The following IQCK variants were observed in gnomAD, a reference collection of about 807,000 sequenced individuals.
IQCK encodes IQ motif containing K, also known as IQ domain-containing protein K.
A neutral mutation model predicts 28.1 loss-of-function variants in IQCK; 29 were observed. That is an observed-to-expected ratio of 1.03 (90% CI 0.77 to 1.41). The LOEUF is 1.41. Ranked by LOEUF, IQCK falls within the 40% of genes most tolerant of loss-of-function variation. IQCK has a pLI of 0.00. For synonymous variants in IQCK, 113 were observed against 115.1 expected (o/e 0.98, Z 0.12); for missense variants, 359 against 314.7 (o/e 1.14, Z -1.07).
intron 6 of IQCK, among the ~76,000 whole-genome samples, chr16:19,769,202 A>G (rs2055284180): frequency 6.6e-6 from 1 of 152,218 alleles, no homozygotes; most frequent in South Asian, 2.1e-4. Context: ...TGGAAGTCAA[A>G]TACCTCCATT....
At chr16:19,746,971 G>T (rs1258010584) in intron 4 of IQCK, among the ~76,000 whole-genome samples, 2 of 152,166 alleles carry the variant, frequency 1.3e-5, no homozygotes, top group Non-Finnish European at 2.9e-5. Context: ...TACCTCAAAA[G>T]TTAGTGGCTT....
intron 7 of IQCK, among the ~76,000 whole-genome samples, chr16:19,804,366 G>T (rs1489662276): frequency 2.0e-5 from 3 of 151,512 alleles, no homozygotes; most frequent in Non-Finnish European, 4.4e-5. Context: ...AAATAAAAAA[G>T]TACTTGAGGT....
At position 19,821,498 on chromosome 16, in the gene IQCK, A is replaced by G. The variant is rs566254399; in HGVS notation, c.691-5528A>G. Among the ~76,000 whole-genome samples the G allele has an allele frequency of 1.1e-4, 17 of 152,194 alleles. No individual in the cohort carries two copies. In the South Asian group the frequency reaches 3.5e-3, roughly 32 times the overall value. On this transcript the variant is annotated intron_variant, in intron 7 of 7. Transcript: ENST00000564186. ...GTGGATCACCTGAGGTCAGGAGTTC[A>G]AGACCAGCCTGGCCAACATGGTGAA...
At chr16:19,783,101 C>T (rs1229250685) in intron 6 of IQCK, among the ~76,000 whole-genome samples, 3 of 151,714 alleles carry the variant, frequency 2.0e-5, no homozygotes, top group African/African-American at 7.3e-5. Context: ...TGGGTTCAAG[C>T]GATTCTCCTG....
intron 1 of IQCK, among the ~76,000 whole-genome samples, chr16:19,722,126 G>A (rs1409868091): frequency 1.3e-5 from 2 of 152,068 alleles, no homozygotes; most frequent in African/African-American, 4.8e-5. Flanking sequence ...TCAGCAATCA[G>A]CATCTCTCAA....
In IQCK at chr16:19,735,612, CT is replaced by C. The variant is rs1315812604; in HGVS notation, c.474+163del. The C allele has an allele frequency of 2.1e-5, 13 of 632,632 alleles. No individual in the cohort carries two copies. The East Asian group carries it at 3.7e-4, about 18-fold the overall frequency. 39.2% of individuals were successfully genotyped at this position (632,632 alleles called of 1,614,324 possible). On this transcript the variant is annotated intron_variant, in intron 4 of 7. Coordinates refer to ENST00000564186, the Ensembl canonical transcript of IQCK. ...ACTTACCCAGTTCCAGCCACACCAT[CT>C]AGTTGTGCACATACATGCGCTGCCA...
intron 7 of IQCK, among the ~76,000 whole-genome samples, chr16:19,807,591 T>C (rs1420397671): frequency 6.6e-6 from 1 of 152,154 alleles, no homozygotes; most frequent in Admixed American, 6.5e-5. Flanking sequence ...AAAATCTGCA[T>C]CTTTACATGG....
chr16:19,728,300 G>A lies in IQCK; in HGVS notation c.182-2130G>A, dbSNP rs545132102. 2.6e-5 allele frequency among the ~76,000 whole-genome samples: 4 copies of A among 152,218 alleles called. No homozygotes were observed. In the South Asian group the frequency reaches 8.3e-4, roughly 32 times the overall value. On this transcript the variant is annotated intron_variant, in intron 1 of 7. Transcript: ENST00000564186. ...GTCTCACTCTGTCACCCAGGCTGGAGTGCAATGGTGAGATCTTGGTTCACT... is the reference window on the plus strand; with the variant it reads ...GTCTCACTCTGTCACCCAGGCTGGAATGCAATGGTGAGATCTTGGTTCACT...
chr16:19,785,807 G>A (rs13331681), intron 6 of IQCK, among the ~76,000 whole-genome samples: 26,732 of 152,098 alleles, frequency 0.18, 2,437 homozygotes, highest in South Asian at 0.26. Context: ...CTCTTGAGCC[G>A]CTGCTTGGGT....
chr16:19,743,777 A>C (rs1211621578), intron 4 of IQCK, among the ~76,000 whole-genome samples: 1 of 152,254 alleles, frequency 6.6e-6, no homozygotes, highest in Non-Finnish European at 1.5e-5. Context: ...TCAGATTCTG[A>C]CATGAAAGAT....
intron 1 of IQCK, 37 bp from the exon 2 acceptor site, chr16:19,730,391 GAA>G (rs1567533813): frequency 2.1e-6 from 3 of 1,449,784 alleles, no homozygotes; most frequent in Non-Finnish European, 2.8e-6. Context: ...AAACTCTAGT[GAA>G]GTATGGAATT....
intron 9 of IQCK, among the ~76,000 whole-genome samples, chr16:19,849,459 T>C (rs887487520): frequency 1.3e-5 from 2 of 151,988 alleles, no homozygotes; most frequent in African/African-American, 4.8e-5. Flanking sequence ...GTAAACTTTT[T>C]TTTTTCTTTA....
Position 19,764,018 on chromosome 16 carries a change from T to TG in IQCK, c.528-17_528-16insG, listed in dbSNP as rs1296854169. The TG allele has an allele frequency of 6.2e-7, 1 of 1,612,814 alleles. No homozygotes were observed. Among genetic ancestry groups the TG allele is most frequent in the East Asian group, 2.2e-5 (1 of 44,870 alleles). ...TTATTGTTTTCTTGTCAATCAAACA[T>TG]ATGGCATCATGACCAGCCAAAATCC... On this transcript the variant is annotated splice_polypyrimidine_tract_variant and intron_variant, in intron 5 of 7. Transcript: ENST00000564186.
chr16:19,857,705 G>A (rs570180409), exon 10 of IQCK: 4 of 185,342 alleles, frequency 2.2e-5, no homozygotes, highest in Admixed American at 6.5e-5. Flanking sequence ...ACCACCACCC[G>A]AGTTCACCCT....
chr16:19,725,772 A>T (rs1478001073), intron 1 of IQCK, among the ~76,000 whole-genome samples: 1 of 152,218 alleles, frequency 6.6e-6, no homozygotes, highest in Non-Finnish European at 1.5e-5. Context: ...TAAGTAACAC[A>T]TCAGATTGTC....
chr16:19,746,572 A>C (rs1250595670), intron 4 of IQCK, among the ~76,000 whole-genome samples: 1 of 152,214 alleles, frequency 6.6e-6, no homozygotes, highest in Non-Finnish European at 1.5e-5. Flanking sequence ...AGAAAATCTT[A>C]TTATAACTTT....
rs562124364 is a variant in IQCK, at chr16:19,767,879, C to CAATA, written c.605+3782_605+3785dup. 2.8e-4 allele frequency among the ~76,000 whole-genome samples: 43 copies of CAATA among 151,844 alleles called. No homozygotes were observed. In the East Asian group the frequency reaches 8.2e-3, roughly 29 times the overall value. On this transcript the variant is annotated intron_variant, in intron 6 of 7. Transcript: ENST00000564186. ...TGGGTGACAGAGCGAGACTCCATCT[C>CAATA]AATAAATAAATAAATAAACAAATAA...
intron 9 of IQCK, among the ~76,000 whole-genome samples, chr16:19,835,449 T>G (rs1051307054): frequency 5.3e-5 from 8 of 152,202 alleles, no homozygotes; most frequent in African/African-American, 1.9e-4. Context: ...TCCATAAAAA[T>G]GATAGCGCTG....
In IQCK at chr16:19,833,087, TTG is replaced by T. The variant is rs1409405706; in HGVS notation, c.802+5960_802+5961del. On this transcript the variant is annotated intron_variant, in intron 9 of 9. Transcript: ENST00000320394. ...CACATCTATCACCCTTAGTTACGAT[TTG>T]TGTGTGTGTATGTGTGTGGTGAGGA... 2.0e-5 allele frequency among the ~76,000 whole-genome samples: 3 copies of T among 152,214 alleles called. No homozygotes were observed. In the South Asian group the frequency reaches 6.2e-4, roughly 32 times the overall value.
Sources: gnomAD v4.1 joint callset for allele counts (sites outside exome capture counted in the v4.1 genomes callset) on GRCh38, gnomAD v4.1.1 for gene constraint, MANE v1.5 for transcripts, NCBI Gene and HGNC (gene_info 2026-07-23, HGNC 2026-07-21) for gene names.